Variants in CPNE4 observed in about 807,000 individuals in gnomAD.
CPNE4 encodes the protein copine-4.
A neutral mutation model predicts 67.9 loss-of-function variants in CPNE4; 25 were observed. That is an observed-to-expected ratio of 0.37 (90% confidence interval 0.27 to 0.51). The LOEUF (loss-of-function observed/expected upper bound fraction) is 0.51, where lower values mean the gene tolerates loss of function less well. Ranked by LOEUF, CPNE4 falls within the 20% of genes least tolerant of loss-of-function variation. CPNE4 has a pLI of 0.93. For missense variants in CPNE4, 464 were observed against 690.8 expected, an observed-to-expected ratio of 0.67 and a Z score of 3.68; for synonymous variants, 242 against 244.9, an observed-to-expected ratio of 0.99 and a Z score of 0.11.
At chr3:131,753,360 A>T (rs2082676708) in intron 2 of CPNE4, among the ~76,000 whole-genome samples, 1 of 152,114 alleles carries the variant, frequency 6.6e-6, no homozygotes, top group Admixed American at 6.5e-5. Flanking sequence ...TGTATATGTT[A>T]GGGAAAAAGG....
rs1582805523 is a variant in CPNE4 at position 131,564,073 on chromosome 3, C to A, written c.1061+143G>T. The A allele has an allele frequency of 3.2e-6, 3 of 936,858 alleles. No individual in the cohort carries two copies. In the East Asian group the frequency reaches 7.3e-5, roughly 23 times the overall value. 58.0% of individuals were successfully genotyped at this position (936,858 alleles called of 1,614,324 possible). On this transcript the variant is annotated intron_variant, in intron 11 of 15. Transcript: ENST00000429747. ...TGAGCAAGGTACAAACTTAGTTTTT[C>A]TAGTACAGAGGGAATGAAACTTTTG...
intron 2 of CPNE4, among the ~76,000 whole-genome samples, chr3:131,840,356 T>TC (rs1182997100): frequency 6.6e-6 from 1 of 152,222 alleles, no homozygotes; most frequent in African/African-American, 2.4e-5. Flanking sequence ...ACAGCTCAGT[T>TC]AACAAATATG....
At position 131,972,448 on chromosome 3, in the gene CPNE4, A is replaced by G. The variant is rs532754060; in HGVS notation, c.-2+62119T>C. 4.6e-5 allele frequency among the ~76,000 whole-genome samples: 7 copies of G among 152,342 alleles called. No homozygotes were observed. In the East Asian group the frequency reaches 1.4e-3, roughly 29 times the overall value. On this transcript the variant is annotated intron_variant, in intron 1 of 15. Transcript: ENST00000429747. Reference sequence around the variant, plus strand: ...CCCAGTGATCTTTTGTCCCCTTTCAAATAAACAGATGGCATTATTGGGAAC... The same window carrying G: ...CCCAGTGATCTTTTGTCCCCTTTCAGATAAACAGATGGCATTATTGGGAAC...
At chr3:131,737,950 T>A (rs2082276120) in intron 2 of CPNE4, among the ~76,000 whole-genome samples, 1 of 152,266 alleles carries the variant, frequency 6.6e-6, no homozygotes, top group African/African-American at 2.4e-5. Flanking sequence ...TCCGTGCATT[T>A]ACTTATTTAC....
chr3:131,869,476 G>A (rs914182665), intron 2 of CPNE4, among the ~76,000 whole-genome samples: 1 of 152,202 alleles, frequency 6.6e-6, no homozygotes, highest in African/African-American at 2.4e-5. Flanking sequence ...AGCTGTGATA[G>A]CCCATTCACT....
chr3:132,017,792 G>A (rs2073916601), intron 1 of CPNE4: 1 of 152,246 alleles, frequency 6.6e-6, no homozygotes, highest in African/African-American at 2.4e-5. Context: ...TCTTATTAGT[G>A]CCAAGGCATC....
intron 2 of CPNE4, among the ~76,000 whole-genome samples, chr3:131,762,925 C>T (rs1424230840): frequency 1.3e-5 from 2 of 150,164 alleles, no homozygotes; most frequent in African/African-American, 4.9e-5. Context: ...AAAAAAAAGC[C>T]ACATACACAA....
In CPNE4 at chr3:131,568,071, A is replaced by C. The variant is rs528893450; in HGVS notation, c.928-3722T>G. Among the ~76,000 whole-genome samples, 6 of 152,136 alleles carry C rather than the reference A, an allele frequency of 3.9e-5. No individual in the cohort carries two copies. The South Asian group carries it at 1.0e-3, about 26-fold the overall frequency. On this transcript the variant is annotated intron_variant, in intron 10 of 15. Transcript: ENST00000429747. The stretch of plus-strand genomic sequence containing the variant: ...TGAACTTAAAAATTAACTGATGAAA[A>C]AGGAAATAGGCTTATGATTCTTACC...
chr3:131,581,767 G>A (rs1004131841), intron 8 of CPNE4, 102 bp from the exon 9 acceptor site: 1 of 794,782 alleles, frequency 1.3e-6, no homozygotes, highest in African/African-American at 1.7e-5. Flanking sequence ...GAACTGGAGG[G>A]CTGACAAATA....
chr3:131,775,268 C>G (rs2083265318), intron 2 of CPNE4, among the ~76,000 whole-genome samples: 1 of 152,046 alleles, frequency 6.6e-6, no homozygotes, highest in Non-Finnish European at 1.5e-5. Context: ...TGTGACAGCC[C>G]AAAGCATAAA....
In CPNE4 at chr3:131,691,622, A is replaced by G. The variant is rs563551636; in HGVS notation, c.507+4920T>C. Among the ~76,000 whole-genome samples the G allele has an allele frequency of 3.3e-5, 5 of 152,282 alleles. No individual in the cohort carries two copies. The East Asian group carries it at 5.8e-4, about 18-fold the overall frequency. On this transcript the variant is annotated intron_variant, in intron 5 of 15. Coordinates refer to ENST00000429747, the MANE Select transcript of CPNE4 (RefSeq NM_130808.3). ...GCTTACTACATGGGTAATGAGATCA[A>G]TTGTACTCCAAACCTCAGTGTCATG... is the stretch of plus-strand genomic sequence containing the variant.
chr3:131,963,941 T>C (rs1415327759), intron 1 of CPNE4, among the ~76,000 whole-genome samples: 1 of 152,100 alleles, frequency 6.6e-6, no homozygotes. Context: ...AGATATCTCC[T>C]AGCAGGGGTT....
intron 7 of CPNE4, among the ~76,000 whole-genome samples, chr3:131,624,305 T>G (rs946029266): frequency 6.6e-5 from 10 of 152,234 alleles, no homozygotes; most frequent in African/African-American, 2.2e-4. Context: ...TTTCTCATTT[T>G]AACCATAAGA....
At chr3:131,774,013 G>GTGCC (rs2083233534) in intron 2 of CPNE4, among the ~76,000 whole-genome samples, 1 of 152,052 alleles carries the variant, frequency 6.6e-6, no homozygotes, top group African/African-American at 2.4e-5. Flanking sequence ...ACATATCTTT[G>GTGCC]TGCCTAATGT....
intron 14 of CPNE4, among the ~76,000 whole-genome samples, chr3:131,545,519 TAAAA>T (rs549048673): frequency 2.0e-5 from 3 of 152,114 alleles, no homozygotes; most frequent in Non-Finnish European, 2.9e-5. Flanking sequence ...TAGTTATTAA[TAAAA>T]AAACACATAT....
intron 2 of CPNE4, among the ~76,000 whole-genome samples, chr3:131,836,815 AG>A (rs2085574382): frequency 6.6e-6 from 1 of 152,178 alleles, no homozygotes; most frequent in Admixed American, 6.5e-5. Context: ...AATATTTGCA[AG>A]TCATATGTCC....
intron 1 of CPNE4, among the ~76,000 whole-genome samples, chr3:131,998,807 C>A (rs1467969411): frequency 6.6e-6 from 1 of 152,094 alleles, no homozygotes; most frequent in Non-Finnish European, 1.5e-5. Flanking sequence ...GTACCTACTA[C>A]ATATTATGCT....
chr3:131,593,988 G>A (rs757413775), intron 7 of CPNE4, among the ~76,000 whole-genome samples: 7 of 152,106 alleles, frequency 4.6e-5, no homozygotes, highest in African/African-American at 7.2e-5. Context: ...AAAGTGCTGG[G>A]ATTACAGGCG....
chr3:131,956,238 G>C (rs938556140), intron 1 of CPNE4, among the ~76,000 whole-genome samples: 1 of 152,058 alleles, frequency 6.6e-6, no homozygotes, highest in African/African-American at 2.4e-5. Flanking sequence ...TAGAGTTGAT[G>C]CCTTTTTTTT....
Sources: gnomAD v4.1 joint callset for allele counts (sites outside exome capture counted in the v4.1 genomes callset) on GRCh38, gnomAD v4.1.1 for gene constraint, MANE v1.5 for transcripts, NCBI Gene and HGNC (gene_info 2026-07-23, HGNC 2026-07-21) for gene names.